Variants in PPP1R12B observed in about 807,000 individuals in gnomAD.
PPP1R12B encodes the protein myosin phosphatase target subunit 2.
PPP1R12B carries 76 observed loss-of-function variants against 126.1 expected under a neutral mutation model. That is an observed-to-expected ratio of 0.60 (90% CI 0.50 to 0.73). The LOEUF (loss-of-function observed/expected upper bound fraction) is 0.73. Among genes scored for constraint, PPP1R12B ranks in the 30% least tolerant of loss-of-function variants. PPP1R12B has a pLI of 0.00. For missense variants in PPP1R12B, 1,052 were observed against 1,205.1 expected (o/e 0.87, Z 1.88); for synonymous variants, 356 against 434.7 (o/e 0.82, Z 2.25).
intron 13 of PPP1R12B, chr1:202,472,114 G>T (rs1676004676): frequency 1.0e-5 from 16 of 1,530,058 alleles, no homozygotes; most frequent in Non-Finnish European, 1.4e-5. Flanking sequence ...TTTGTGAGAG[G>T]CATGTTCTCA....
In PPP1R12B at chr1:202,430,753, G is replaced by A. The variant is rs759977314; in HGVS notation, c.944G>A (p.Arg315Gln). Residue 315 changes from arginine (R) to glutamine (Q), a missense_variant, in exon 7 of 24, where the codon CGG becomes CAG. Arg to Gln is a conservative substitution (Grantham distance 43). Transcript: ENST00000608999. ...QNVLRSEKET[R>Q]NKLIESDLNS... ...CAGCTTCGAAGTGAAAAGGAGACAC[G>A]GAATAAACTCATTGAGTCAGATCTG... The A allele has an allele frequency of 7.4e-6, 12 of 1,612,880 alleles. No individual in the cohort carries two copies. Among genetic ancestry groups the A allele is most frequent in the East Asian group, 6.7e-5 (3 of 44,840 alleles).
At chr1:202,416,183 A>C (rs957429716) in intron 1 of PPP1R12B, among the ~76,000 whole-genome samples, 1 of 152,208 alleles carries the variant, frequency 6.6e-6, no homozygotes, top group African/African-American at 2.4e-5. Flanking sequence ...CATTTGTAGC[A>C]CTTTAGAAAT....
chr1:202,451,092 G>A (rs1672858268), intron 13 of PPP1R12B, among the ~76,000 whole-genome samples: 1 of 142,564 alleles, frequency 7.0e-6, no homozygotes, highest in African/African-American at 2.6e-5. Flanking sequence ...TAATTCCTAG[G>A]TATTTTATTT....
chr1:202,446,256 A>ATATATATATATATATATTTT (rs376183502), intron 12 of PPP1R12B, among the ~76,000 whole-genome samples: 2 of 54,340 alleles, frequency 3.7e-5, no homozygotes, highest in Non-Finnish European at 6.3e-5. Context: ...ATATATATAT[A>ATATATATATATATATATTTT]TTTTTTTTTT....
intron 18 of PPP1R12B, among the ~76,000 whole-genome samples, chr1:202,503,866 G>A (rs1030388233): frequency 6.6e-6 from 1 of 151,760 alleles, no homozygotes; most frequent in South Asian, 2.1e-4. Flanking sequence ...AGGAGACCTG[G>A]ACATTCCAGG....
intron 18 of PPP1R12B, among the ~76,000 whole-genome samples, chr1:202,530,599 A>AT (rs1683829801): frequency 6.6e-6 from 1 of 152,218 alleles, no homozygotes; most frequent in Admixed American, 6.5e-5. Flanking sequence ...GAGACTTAAC[A>AT]TTCGTAACAC....
At chr1:202,495,034 T>A (rs892363910) in intron 15 of PPP1R12B, among the ~76,000 whole-genome samples, 4 of 151,966 alleles carry the variant, frequency 2.6e-5, no homozygotes, top group Non-Finnish European at 4.4e-5. Flanking sequence ...GGTTAATTGA[T>A]GAATAATTTG....
intron 1 of PPP1R12B, among the ~76,000 whole-genome samples, chr1:202,379,167 G>A (rs952819354): frequency 6.6e-6 from 1 of 151,938 alleles, no homozygotes; most frequent in Non-Finnish European, 1.5e-5. Flanking sequence ...GGTTTCTCTC[G>A]GTCTCAGTAT....
chr1:202,426,919 G>T lies in PPP1R12B; in HGVS notation c.702-121G>T, dbSNP rs181927244. On this transcript the variant is annotated intron_variant, in intron 4 of 23. Coordinates refer to ENST00000608999, the MANE Select transcript of PPP1R12B (RefSeq NM_002481.4). ...CCAAACTGTGCCTTAGAGGGCAGAA[G>T]TAATCATAAGACCCCTGTGGTTCAG... is the stretch of plus-strand genomic sequence containing the variant. 1.7e-4 allele frequency: 230 copies of T among 1,343,460 alleles called. No homozygotes were observed. In the East Asian group the frequency reaches 5.1e-3, roughly 30 times the overall value. The allele number at this position is 1,343,460 out of a possible 1,614,324, so 83.2% of individuals were successfully genotyped here. A position where few individuals can be genotyped will look rare whatever the true frequency, so the allele number is the denominator to read the frequency against.
intron 18 of PPP1R12B, among the ~76,000 whole-genome samples, chr1:202,544,466 G>A (rs1685451870): frequency 6.6e-6 from 1 of 152,072 alleles, no homozygotes; most frequent in Admixed American, 6.5e-5. Context: ...TCAATGCAGG[G>A]TATATTTAAA....
intron 1 of PPP1R12B, among the ~76,000 whole-genome samples, chr1:202,415,184 A>C (rs1314157716): frequency 6.6e-6 from 1 of 152,166 alleles, no homozygotes; most frequent in African/African-American, 2.4e-5. Context: ...AAACATTTCT[A>C]CTACTTCTTC....
intron 18 of PPP1R12B, among the ~76,000 whole-genome samples, chr1:202,518,585 A>G (rs1441059060): frequency 1.3e-5 from 2 of 152,260 alleles, no homozygotes; most frequent in African/African-American, 4.8e-5. Flanking sequence ...GATTACAACC[A>G]TAAGGATGTA....
rs749800091 is a variant in PPP1R12B, at chr1:202,562,675, C to T, written c.2508-103C>T. 33 of 1,312,820 alleles carry T rather than the reference C, an allele frequency of 2.5e-5. No individual in the cohort carries two copies. In the East Asian group the frequency reaches 2.8e-4, roughly 11 times the overall value. 81.3% of individuals were successfully genotyped at this position (1,312,820 alleles called of 1,614,324 possible). ...TATGAGTTGTTTCTGGCCAGGGCTC[C>T]GAAATACTTCTTAGAAAAGGCGCAA... On this transcript the variant is annotated intron_variant, in intron 19 of 23. Transcript: ENST00000608999.
intron 1 of PPP1R12B, among the ~76,000 whole-genome samples, chr1:202,404,764 G>T (rs1382132678): frequency 6.6e-6 from 1 of 152,202 alleles, no homozygotes; most frequent in Admixed American, 6.5e-5. Flanking sequence ...GCCTCCCGGA[G>T]TGCTGGGATT....
At chr1:202,411,866 G>T (rs79205794) in intron 1 of PPP1R12B, among the ~76,000 whole-genome samples, 2,932 of 152,186 alleles carry the variant, frequency 0.019, 105 homozygotes, top group African/African-American at 0.066. Context: ...TAGAGATGGG[G>T]TCTCACTGTG....
intron 23 of PPP1R12B, 73 bp from the exon 24 acceptor site, chr1:202,580,401 C>A: frequency 8.4e-7 from 1 of 1,187,460 alleles, no homozygotes; most frequent in Non-Finnish European, 1.3e-6. Flanking sequence ...ACCAGGCTGG[C>A]CTGGCCTGGT....
chr1:202,525,955 A>G (rs1558333170), intron 18 of PPP1R12B, among the ~76,000 whole-genome samples: 1 of 152,250 alleles, frequency 6.6e-6, no homozygotes, highest in Non-Finnish European at 1.5e-5. Flanking sequence ...TTGGCCTCCC[A>G]GAGTGCTGGG....
Position 202,588,832 on chromosome 1 carries a change from T to TAGATAG in PPP1R12B, c.*8274_*8279dup, listed in dbSNP as rs1689979682. 7.8e-6 allele frequency: 1 copy of TAGATAG among 128,900 alleles called. No homozygotes were observed. The highest frequency in any genetic ancestry group is 2.5e-4 in the South Asian group (1 of 4,012). 8.0% of individuals were successfully genotyped at this position (128,900 alleles called of 1,614,324 possible). ...GCGTTCAAAAGAACCGTAAGATAGA[T>TAGATAG]AGATAGATAGATAGATAGATAGATA... is the stretch of plus-strand genomic sequence containing the variant. On this transcript the variant is annotated 3_prime_UTR_variant, in exon 24 of 24. Transcript: ENST00000608999.
intron 1 of PPP1R12B, among the ~76,000 whole-genome samples, chr1:202,399,250 C>G (rs372900687): frequency 6.6e-6 from 1 of 152,062 alleles, no homozygotes; most frequent in Non-Finnish European, 1.5e-5. Flanking sequence ...GACAGGGTCT[C>G]GCTCTGTCAC....
Sources: gnomAD v4.1 joint callset for allele counts (sites outside exome capture counted in the v4.1 genomes callset) on GRCh38, gnomAD v4.1.1 for gene constraint, MANE v1.5 for transcripts, NCBI Gene and HGNC (gene_info 2026-07-23, HGNC 2026-07-21) for gene names.